SCHIP1: variants seen among roughly 807,000 people sequenced by gnomAD.
The protein encoded by SCHIP1 is schwannomin interacting protein 1, also known as schwannomin-interacting protein 1.
SCHIP1 carries 8 observed loss-of-function variants against 29.7 expected under a neutral mutation model. The ratio of observed to expected loss-of-function variants is 0.27; its 90% confidence interval spans 0.16 to 0.49. SCHIP1 has a LOEUF of 0.49. Ranked by LOEUF, SCHIP1 falls within the 20% of genes least tolerant of loss-of-function variation. The probability of loss-of-function intolerance (pLI) is 0.99; values close to 1 mark genes in which losing one functional copy is unlikely to be tolerated. For missense variants in SCHIP1, 193 were observed against 294.6 expected, an observed-to-expected ratio of 0.66 and a Z score of 2.52; for synonymous variants, 76 against 94.9, an observed-to-expected ratio of 0.80 and a Z score of 1.16.
the SCHIP1 span, among the ~76,000 whole-genome samples, chr3:159,444,354 A>G: frequency 4.6e-5 from 7 of 152,150 alleles, no homozygotes; most frequent in South Asian, 1.2e-3. Context: ...ATGGACCTGC[A>G]GTTAGAGAAT....
the SCHIP1 span, among the ~76,000 whole-genome samples, chr3:159,428,770 A>C: frequency 6.6e-6 from 1 of 152,076 alleles, no homozygotes; most frequent in Non-Finnish European, 1.5e-5. Context: ...GGCACTATTC[A>C]CAATAGCAAA....
chr3:159,468,739 TATATAATATATA>T, the SCHIP1 span, among the ~76,000 whole-genome samples: 1 of 132,574 alleles, frequency 7.5e-6, no homozygotes, highest in Non-Finnish European at 1.6e-5. Context: ...TATAATATAA[TATATAATATATA>T]ATATAATATA....
the SCHIP1 span, among the ~76,000 whole-genome samples, chr3:159,576,133 A>G: frequency 6.6e-6 from 1 of 152,212 alleles, no homozygotes; most frequent in African/African-American, 2.4e-5. Context: ...ACATAAAGAA[A>G]TGATAAATGT....
the SCHIP1 span, among the ~76,000 whole-genome samples, chr3:159,663,564 G>T: frequency 6.6e-6 from 1 of 152,046 alleles, no homozygotes; most frequent in Admixed American, 6.5e-5. Flanking sequence ...GTATAAAATG[G>T]GGATATTAAC....
chr3:159,445,098 A>C, the SCHIP1 span, among the ~76,000 whole-genome samples: 7 of 152,216 alleles, frequency 4.6e-5, no homozygotes, highest in South Asian at 6.2e-4. Context: ...CAACCTACAA[A>C]ATGGGAGAAA....
the SCHIP1 span, among the ~76,000 whole-genome samples, chr3:159,397,608 G>T: frequency 0.018 from 2,741 of 152,266 alleles, 89 homozygotes; most frequent in African/African-American, 0.064. Context: ...CCCCTGCTGG[G>T]GGGTGCCTCC....
the SCHIP1 span, among the ~76,000 whole-genome samples, chr3:159,583,194 T>A: frequency 1.3e-5 from 2 of 152,142 alleles, no homozygotes; most frequent in African/African-American, 2.4e-5. Flanking sequence ...ACTGCAATCA[T>A]TTCACGGATT....
At chr3:159,694,184 T>C in the SCHIP1 span, among the ~76,000 whole-genome samples, 1 of 152,158 alleles carries the variant, frequency 6.6e-6, no homozygotes, top group Non-Finnish European at 1.5e-5. Flanking sequence ...TACTAAAATA[T>C]TTTTGTAATA....
At chr3:159,508,080 G>T in the SCHIP1 span, among the ~76,000 whole-genome samples, 2,330 of 152,276 alleles carry the variant, frequency 0.015, 69 homozygotes, top group African/African-American at 0.054. Flanking sequence ...GAATTCGGCT[G>T]TGAATCCGTC....
chr3:159,893,838 C>T (rs1359132572), intron 6 of SCHIP1: 1 of 152,130 alleles, frequency 6.6e-6, no homozygotes, highest in Non-Finnish European at 1.5e-5. Flanking sequence ...TAGCCTGCCT[C>T]TTGGTGGGAA....
the SCHIP1 span, among the ~76,000 whole-genome samples, chr3:159,378,975 C>T: frequency 2.2e-4 from 34 of 152,318 alleles, no homozygotes; most frequent in African/African-American, 7.9e-4. Context: ...CTTCATCTCC[C>T]GGCCAGTGGA....
the SCHIP1 span, among the ~76,000 whole-genome samples, chr3:159,327,211 C>T: frequency 6.6e-6 from 1 of 152,112 alleles, no homozygotes; most frequent in Non-Finnish European, 1.5e-5. Flanking sequence ...GCTGGGCAAC[C>T]AGGATTGCAT....
chr3:159,410,344 C>T, the SCHIP1 span, among the ~76,000 whole-genome samples: 3 of 151,996 alleles, frequency 2.0e-5, no homozygotes, highest in Admixed American at 2.0e-4. Flanking sequence ...AGAGACAACC[C>T]ACAGAATAGC....
the SCHIP1 span, among the ~76,000 whole-genome samples, chr3:159,494,842 A>T: frequency 2.0e-4 from 31 of 152,368 alleles, no homozygotes; most frequent in Admixed American, 1.8e-3. Context: ...ATGAACATTG[A>T]TGCAAAAATC....
intron 1 of SCHIP1, among the ~76,000 whole-genome samples, chr3:159,855,773 A>G (rs1713277390): frequency 1.3e-5 from 2 of 152,172 alleles, no homozygotes. Flanking sequence ...CCCTGAACCA[A>G]TTGCACTAAT....
chr3:159,428,440 CA>C, the SCHIP1 span, among the ~76,000 whole-genome samples: 1 of 152,066 alleles, frequency 6.6e-6, no homozygotes. Flanking sequence ...AAAAGACATG[CA>C]AAAATGCTCA....
At chr3:159,467,791 G>C in the SCHIP1 span, among the ~76,000 whole-genome samples, 1 of 152,186 alleles carries the variant, frequency 6.6e-6, no homozygotes, top group East Asian at 1.9e-4. Context: ...CAGCACAATT[G>C]TCTGACATTT....
the SCHIP1 span, among the ~76,000 whole-genome samples, chr3:159,724,987 T>C: frequency 6.6e-6 from 1 of 152,228 alleles, no homozygotes; most frequent in Non-Finnish European, 1.5e-5. Context: ...AAAGTTGTAA[T>C]ATATTCATCT....
the SCHIP1 span, among the ~76,000 whole-genome samples, chr3:159,463,108 A>C: frequency 2.0e-5 from 3 of 151,734 alleles, no homozygotes; most frequent in South Asian, 4.1e-4. Context: ...GTCAATCTCT[A>C]TATATAGTAT....
Sources: gnomAD v4.1 joint callset for allele counts (sites outside exome capture counted in the v4.1 genomes callset) on GRCh38, gnomAD v4.1.1 for gene constraint, MANE v1.5 for transcripts, NCBI Gene and HGNC (gene_info 2026-07-23, HGNC 2026-07-21) for gene names.